Variants in HHIP observed in about 807,000 individuals in gnomAD.
HHIP encodes hedgehog interacting protein.
A neutral mutation model predicts 74.0 loss-of-function variants in HHIP; 12 were observed. That is an observed-to-expected ratio of 0.16 (90% confidence interval 0.10 to 0.26). The LOEUF (loss-of-function observed/expected upper bound fraction) is 0.26, where lower values mean the gene tolerates loss of function less well. HHIP is among the 10% of genes least tolerant of loss of function. HHIP has a pLI of 1.00. For missense variants in HHIP, 788 were observed against 845.0 expected, an observed-to-expected ratio of 0.93 and a Z score of 0.84; for synonymous variants, 309 against 311.6, an observed-to-expected ratio of 0.99 and a Z score of 0.09.
intron 10 of HHIP, 84 bp from the exon 11 acceptor site, chr4:144,718,791 G>T: frequency 1.2e-6 from 1 of 803,896 alleles, no homozygotes; most frequent in South Asian, 1.4e-5. Flanking sequence ...GAGATAGATT[G>T]ACATATAGAA....
chr4:144,734,977 A>G, intron 12 of HHIP, 88 bp downstream of exon 12: 1 of 1,264,570 alleles, frequency 7.9e-7, no homozygotes, highest in East Asian at 2.4e-5. Context: ...TTTCTTCTAC[A>G]ATAATATAGT....
chr4:144,739,884 C>T lies in HHIP; in HGVS notation c.*1927C>T, dbSNP rs889678800. On this transcript the variant is annotated 3_prime_UTR_variant, in exon 13 of 13. Coordinates refer to ENST00000296575, the MANE Select transcript of HHIP (RefSeq NM_022475.3). ...ACAGTGTGACAAATCTTGCAATGAA[C>T]CATGCAGTAGCCTGCATCTGTAGGT... 1 of 152,146 alleles carries T rather than the reference C, an allele frequency of 6.6e-6. No homozygotes were observed. 9.4% of individuals were successfully genotyped at this position (152,146 alleles called of 1,614,324 possible).
intron 11 of HHIP, among the ~76,000 whole-genome samples, chr4:144,731,992 T>A (rs142222152): frequency 2.4e-3 from 359 of 152,248 alleles, no homozygotes; most frequent in African/African-American, 8.2e-3. Context: ...ACTATTTATG[T>A]CTTATCTCCC....
chr4:144,684,421 G>C (rs1729432633), intron 4 of HHIP, among the ~76,000 whole-genome samples: 1 of 150,242 alleles, frequency 6.7e-6, no homozygotes, highest in Non-Finnish European at 1.5e-5. Flanking sequence ...ACCACGCCCG[G>C]CTATTTTTTT....
At chr4:144,684,355 T>C (rs1164227400) in intron 4 of HHIP, among the ~76,000 whole-genome samples, 6 of 132,872 alleles carry the variant, frequency 4.5e-5, no homozygotes, top group South Asian at 5.6e-4. Context: ...GCCTCCCGGG[T>C]TCACGCCATT....
At chr4:144,702,913 G>A (rs1327436846) in intron 4 of HHIP, among the ~76,000 whole-genome samples, 1 of 152,100 alleles carries the variant, frequency 6.6e-6, no homozygotes, top group Non-Finnish European at 1.5e-5. Flanking sequence ...TTGGTTAACA[G>A]TTTTTAAAAG....
At chr4:144,650,701 T>A (rs1728394983) in intron 1 of HHIP, 1 of 152,074 alleles carries the variant, frequency 6.6e-6, no homozygotes, top group Admixed American at 6.6e-5. Flanking sequence ...AATGTTACCA[T>A]CCTGCTGGGC....
intron 11 of HHIP, among the ~76,000 whole-genome samples, chr4:144,728,125 G>C (rs1406397454): frequency 1.3e-5 from 2 of 152,150 alleles, no homozygotes; most frequent in African/African-American, 4.8e-5. Flanking sequence ...TGAAATTTCT[G>C]ACAATGTTAT....
At chr4:144,676,245 T>C (rs1179880010) in intron 4 of HHIP, among the ~76,000 whole-genome samples, 1 of 152,196 alleles carries the variant, frequency 6.6e-6, no homozygotes, top group Non-Finnish European at 1.5e-5. Context: ...AAATTGTTTA[T>C]ATTTGGATCC....
chr4:144,722,066 C>T (rs1730654628), intron 11 of HHIP, among the ~76,000 whole-genome samples: 1 of 152,160 alleles, frequency 6.6e-6, no homozygotes, highest in Admixed American at 6.5e-5. Flanking sequence ...CCAGTTGGCT[C>T]AGCCAACCCA....
At position 144,714,797 on chromosome 4, in the gene HHIP, C is replaced by A. The variant is rs541476969; in HGVS notation, c.1547+449C>A. 2.7e-4 allele frequency among the ~76,000 whole-genome samples: 41 copies of A among 152,218 alleles called. 1 individual carries two copies. The South Asian group carries it at 8.3e-3, about 31-fold the overall frequency. ...TTTGTCTCTATAAGTAGGAATAATA[C>A]AAAATTAAATTTTAGTCTCAATTTT... On this transcript the variant is annotated intron_variant, in intron 9 of 12. Coordinates refer to ENST00000296575, the MANE Select transcript of HHIP (RefSeq NM_022475.3).
chr4:144,674,987 G>C (rs1232340429), intron 4 of HHIP, among the ~76,000 whole-genome samples: 1 of 152,058 alleles, frequency 6.6e-6, no homozygotes, highest in East Asian at 1.9e-4. Context: ...TAAATTTCTG[G>C]GAGGCAGTTA....
At chr4:144,720,806 T>A (rs1560719655) in intron 11 of HHIP, among the ~76,000 whole-genome samples, 1 of 152,204 alleles carries the variant, frequency 6.6e-6, no homozygotes. Flanking sequence ...CAAATGTTTT[T>A]ATAAACATTT....
chr4:144,730,423 C>A (rs1019262169), intron 11 of HHIP, among the ~76,000 whole-genome samples: 1 of 152,072 alleles, frequency 6.6e-6, no homozygotes, highest in Admixed American at 6.6e-5. Context: ...TAGATATATT[C>A]TTTTTTACAA....
chr4:144,695,645 T>C (rs1729793424), intron 4 of HHIP, among the ~76,000 whole-genome samples: 1 of 151,962 alleles, frequency 6.6e-6, no homozygotes, highest in East Asian at 1.9e-4. Flanking sequence ...AATTTCTTTA[T>C]GTTTAACTTT....
In HHIP at chr4:144,672,687, TA is replaced by T. The variant is rs200189970; in HGVS notation, c.831+12850del. 9.3e-3 allele frequency among the ~76,000 whole-genome samples: 1,416 copies of T among 151,988 alleles called. 21 individuals are homozygous for T. The highest frequency in any genetic ancestry group is 0.032 in the African/African-American group (1,314 of 41,348). On this transcript the variant is annotated intron_variant, in intron 4 of 12. Coordinates refer to ENST00000296575, the MANE Select transcript of HHIP (RefSeq NM_022475.3). ...CTGACTTAAACTTTTAATTTTGTAT[TA>T]TTTTTTTAATTTTTATTTTATTTAT...
At chr4:144,730,242 AT>A (rs11335753) in intron 11 of HHIP, among the ~76,000 whole-genome samples, 85,591 of 151,996 alleles carry the variant, frequency 0.56, 24,615 homozygotes, top group South Asian at 0.76. Flanking sequence ...TTCTAAGAAA[AT>A]TTTTTTAAAT....
At chr4:144,726,374 G>A (rs2126680556) in intron 11 of HHIP, among the ~76,000 whole-genome samples, 1 of 152,208 alleles carries the variant, frequency 6.6e-6, no homozygotes, top group South Asian at 2.1e-4. Flanking sequence ...GTGCTACAGA[G>A]GGAGAGAATG....
At chr4:144,674,126 T>C (rs1578690213) in intron 4 of HHIP, among the ~76,000 whole-genome samples, 1 of 152,222 alleles carries the variant, frequency 6.6e-6, no homozygotes, top group Non-Finnish European at 1.5e-5. Context: ...ATTTTCATTG[T>C]GGGTGTTCCT....
Sources: gnomAD v4.1 joint callset for allele counts (sites outside exome capture counted in the v4.1 genomes callset) on GRCh38, gnomAD v4.1.1 for gene constraint, MANE v1.5 for transcripts, NCBI Gene and HGNC (gene_info 2026-07-23, HGNC 2026-07-21) for gene names.